POLR1A: variants seen among roughly 807,000 people sequenced by gnomAD.
POLR1A encodes RNA polymerase I subunit A, also known as DNA-directed RNA polymerase I subunit RPA1.
Under a neutral mutation model 205.3 loss-of-function variants are expected in POLR1A, and 84 were observed. That is an observed-to-expected ratio of 0.41 (90% CI 0.34 to 0.49). The LOEUF is 0.49. POLR1A is among the 20% of genes least tolerant of loss of function. The probability of loss-of-function intolerance (pLI) is 0.22; values close to 1 mark genes in which losing one functional copy is unlikely to be tolerated. For synonymous variants in POLR1A, 799 were observed against 863.7 expected (o/e 0.93, Z 1.31); for missense variants, 1,645 against 2,204.5 (o/e 0.75, Z 5.08).
chr2:86,030,283 C>T lies in POLR1A; in HGVS notation c.4692G>A (p.Leu1564=). ...YATKGITRCL[L]NETTNNKNEK... is the part of the protein sequence containing the mutation. ...CGTTCTTATTGTTGGTTGTTTCATT[C>T]AGGAGGCACCGAGTGATGCCCTTGG... Residue 1564 remains leucine (L), a synonymous_variant, in exon 31 of 34, where the codon CTG becomes CTA. Coordinates refer to ENST00000263857, the MANE Select transcript of POLR1A (RefSeq NM_015425.6). 6.2e-7 allele frequency: 1 copy of T among 1,614,182 alleles called. No individual in the cohort carries two copies. Among genetic ancestry groups the T allele is most frequent in the African/African-American group, 1.3e-5 (1 of 75,058 alleles).
chr2:86,030,167 G>C, intron 31 of POLR1A, 29 bp downstream of exon 31: 1 of 1,586,410 alleles, frequency 6.3e-7, no homozygotes, highest in Non-Finnish European at 8.7e-7. Context: ...CTAATGCTTT[G>C]TCCCAGGCCA....
intron 27 of POLR1A, among the ~76,000 whole-genome samples, chr2:86,034,736 C>T (rs1368096066): frequency 4.6e-5 from 7 of 152,156 alleles, no homozygotes; most frequent in African/African-American, 1.7e-4. Context: ...GGTGGCAAAG[C>T]AAGGACGAAA....
chr2:86,032,736 G>A, intron 28 of POLR1A, among the ~76,000 whole-genome samples: 1 of 152,180 alleles, frequency 6.6e-6, no homozygotes, highest in East Asian at 1.9e-4. Context: ...CCAGTTGCAG[G>A]TGGGGATGAG....
Position 86,069,999 on chromosome 2 carries a change from G to GATGA in POLR1A, c.1866+18_1866+19insTCAT, listed in dbSNP as rs983102373. On this transcript the variant is annotated intron_variant, in intron 13 of 33. Coordinates refer to ENST00000263857, the MANE Select transcript of POLR1A (RefSeq NM_015425.6). ...TCATGCTGACGATGACCACGGAACA[G>GATGA]CCTCAAGGCCAGACCTACCTTGGGA... The GATGA allele has an allele frequency of 1.0e-5, 16 of 1,606,748 alleles. No homozygotes were observed. The African/African-American group carries it at 1.7e-4, about 17-fold the overall frequency.
At chr2:86,087,318 T>C (rs752520032) in intron 6 of POLR1A, among the ~76,000 whole-genome samples, 12 of 152,230 alleles carry the variant, frequency 7.9e-5, no homozygotes, top group Non-Finnish European at 1.3e-4. Flanking sequence ...ATCATGCATC[T>C]CCAGGAGGGG....
intron 14 of POLR1A, among the ~76,000 whole-genome samples, chr2:86,057,887 C>T (rs532132213): frequency 2.4e-4 from 36 of 152,132 alleles, no homozygotes; most frequent in Non-Finnish European, 4.7e-4. Context: ...GTGATGGTTG[C>T]ACAACATAGT....
chr2:86,038,938 G>C, intron 26 of POLR1A, 81 bp from the exon 27 acceptor site: 1 of 1,314,426 alleles, frequency 7.6e-7, no homozygotes, highest in Non-Finnish European at 1.1e-6. Flanking sequence ...CGAGACCCAA[G>C]GGTTTACAGA....
intron 6 of POLR1A, among the ~76,000 whole-genome samples, chr2:86,084,213 C>A (rs967053731): frequency 1.3e-5 from 2 of 152,096 alleles, no homozygotes; most frequent in East Asian, 1.9e-4. Context: ...TTGCAGTGAG[C>A]GGAGATTGTG....
chr2:86,030,223 G>T lies in POLR1A; in HGVS notation c.4752C>A (p.Asn1584Lys). ...CTGCATACTTGAATAGCTCTGGGAG[G>T]TTGATTCCTTCTGTGTTTAGCACAA... ...KELVLNTEGINLPELFKYAEV... is the reference protein window; with the variant it reads ...KELVLNTEGIKLPELFKYAEV... Residue 1584 changes from asparagine (N) to lysine (K), a missense_variant, in exon 31 of 34, where the codon AAC becomes AAA. By Grantham distance (94) the Asn-to-Lys change is moderately conservative. This residue lies in a region of POLR1A where 394 missense variants were observed against 468.5 expected (regional missense o/e 0.84). Coordinates refer to ENST00000263857, the MANE Select transcript of POLR1A (RefSeq NM_015425.6). The T allele has an allele frequency of 6.2e-7, 1 of 1,614,170 alleles. No homozygotes were observed. The highest frequency in any genetic ancestry group is 1.1e-5 in the South Asian group (1 of 91,086).
rs1283804284 is a variant in POLR1A, at chr2:86,052,840, T to A, written c.2369A>T (p.Gln790Leu). ...ACCCAAGGTGAAGCCTCTGTAGAGC[T>A]GCAGGTAGGCGGTGAAGAGGCGGGC... is the stretch of plus-strand genomic sequence containing the variant. The part of the protein sequence containing the change: ...CLARLFTAYL[Q>L]LYRGFTLGVE... Residue 790 changes from glutamine (Q) to leucine (L), a missense_variant, in exon 16 of 34, where the codon CAG (glutamine) becomes CTG (leucine). Physicochemically the swap from Gln to Leu is moderately radical, Grantham distance 113 (BLOSUM62 -2). Coordinates refer to ENST00000263857, the MANE Select transcript of POLR1A (RefSeq NM_015425.6). The A allele has an allele frequency of 3.8e-6, 6 of 1,582,722 alleles. No individual in the cohort carries two copies. Among genetic ancestry groups the A allele is most frequent in the Non-Finnish European group, 4.3e-6 (5 of 1,163,910 alleles).
chr2:86,056,225 G>T (rs1672893982), intron 14 of POLR1A, among the ~76,000 whole-genome samples: 1 of 152,046 alleles, frequency 6.6e-6, no homozygotes, highest in South Asian at 2.1e-4. Flanking sequence ...GCCAAGGCAG[G>T]CGGATCACTT....
At chr2:86,046,113 C>G (rs751145145) in intron 19 of POLR1A, among the ~76,000 whole-genome samples, 47 of 152,032 alleles carry the variant, frequency 3.1e-4, no homozygotes, top group Non-Finnish European at 6.2e-4. Context: ...CCATTTATTG[C>G]GATCCTCACA....
chr2:86,063,105 G>T (rs186285399), intron 14 of POLR1A, among the ~76,000 whole-genome samples: 1 of 152,136 alleles, frequency 6.6e-6, no homozygotes, highest in African/African-American at 2.4e-5. Context: ...GGAGGCCAAG[G>T]TTGGTGGATC....
At chr2:86,104,957 A>G (rs1396447852) in intron 1 of POLR1A, among the ~76,000 whole-genome samples, 2 of 152,262 alleles carry the variant, frequency 1.3e-5, no homozygotes, top group Non-Finnish European at 2.9e-5. Context: ...TGAAGAAAAC[A>G]TTACTAGAAT....
Position 86,039,384 on chromosome 2 carries a change from T to C in POLR1A, c.3819A>G (p.Lys1273=), listed in dbSNP as rs944019713. The C allele has an allele frequency of 6.2e-7, 1 of 1,614,016 alleles. No individual in the cohort carries two copies. Among genetic ancestry groups the C allele is most frequent in the Non-Finnish European group, 8.5e-7 (1 of 1,180,030 alleles). Residue 1273 remains lysine, a synonymous_variant, in exon 26 of 34, where the codon AAA becomes AAG. Coordinates refer to ENST00000263857, the MANE Select transcript of POLR1A (RefSeq NM_015425.6). The part of the protein sequence containing the change: ...MMSVPVLNTK[K]ALKRVKSLKK... ...TCAGGCTTTTCACTCTCTTCAGGGC[T>C]TTCTTGGTGTTGAGCACGGGCACGC...
At chr2:86,102,014 C>T (rs867597417) in intron 1 of POLR1A, among the ~76,000 whole-genome samples, 1 of 152,216 alleles carries the variant, frequency 6.6e-6, no homozygotes, top group Non-Finnish European at 1.5e-5. Flanking sequence ...GTATATACCA[C>T]ATTTTATGTA....
At position 86,045,773 on chromosome 2, in the gene POLR1A, G is replaced by A. The variant is rs776675570; in HGVS notation, c.2734-4C>T. On this transcript the variant is annotated splice_region_variant and splice_polypyrimidine_tract_variant and intron_variant, in intron 19 of 33. Transcript: ENST00000263857. Reference sequence around the variant, plus strand: ...TCTGGCCCAGCAGGCACGAGATCTGGAGGACAGGAAATCCACAGGAAACTG... The same window carrying A: ...TCTGGCCCAGCAGGCACGAGATCTGAAGGACAGGAAATCCACAGGAAACTG... The A allele has an allele frequency of 1.9e-6, 3 of 1,602,288 alleles. No homozygotes were observed. The highest frequency in any genetic ancestry group is 4.5e-5 in the East Asian group (2 of 44,808).
At chr2:86,104,095 G>T (rs910457267) in intron 1 of POLR1A, among the ~76,000 whole-genome samples, 2 of 152,206 alleles carry the variant, frequency 1.3e-5, no homozygotes, top group African/African-American at 2.4e-5. Flanking sequence ...GAGGGAAATG[G>T]AGAACATTTG....
chr2:86,033,562 C>T (rs1381087398), intron 28 of POLR1A, 99 bp downstream of exon 28: 1 of 1,354,938 alleles, frequency 7.4e-7, no homozygotes, highest in African/African-American at 1.5e-5. Flanking sequence ...TGGGCCAGCA[C>T]CAGGATGGGG....
Sources: gnomAD v4.1 joint callset for allele counts (sites outside exome capture counted in the v4.1 genomes callset) on GRCh38, gnomAD v4.1.1 for gene constraint, gnomAD v4.1.1 regional missense constraint, MANE v1.5 for transcripts, NCBI Gene and HGNC (gene_info 2026-07-23, HGNC 2026-07-21) for gene names.